Variants in ABCG2 observed in about 807,000 individuals in gnomAD.
The protein encoded by ABCG2 is broad substrate specificity ATP-binding cassette transporter ABCG2.
Under a neutral mutation model 73.5 loss-of-function variants are expected in ABCG2, and 80 were observed. The ratio of observed to expected loss-of-function variants is 1.09; its 90% CI spans 0.91 to 1.31. ABCG2 has a LOEUF of 1.31. ABCG2 is among the 50% of genes most tolerant of loss of function. The pLI, the probability that ABCG2 is intolerant of heterozygous loss-of-function variation, is 0.00. For missense variants in ABCG2, 796 were observed against 786.2 expected, an observed-to-expected ratio of 1.01 and a Z score of -0.15; for synonymous variants, 269 against 282.4, an observed-to-expected ratio of 0.95 and a Z score of 0.48.
intron 1 of ABCG2, among the ~76,000 whole-genome samples, chr4:88,186,479 T>A (rs1050182029): frequency 2.6e-5 from 4 of 152,112 alleles, no homozygotes; most frequent in Admixed American, 6.6e-5. Context: ...TTACATTTTT[T>A]AAAATGGTGG....
chr4:88,220,869 T>C (rs1259251079), intron 1 of ABCG2, among the ~76,000 whole-genome samples: 1 of 152,202 alleles, frequency 6.6e-6, no homozygotes, highest in Non-Finnish European at 1.5e-5. Flanking sequence ...TGATACCATG[T>C]GAAGAAGGAC....
intron 10 of ABCG2, among the ~76,000 whole-genome samples, chr4:88,106,518 A>G (rs1722780012): frequency 6.6e-6 from 1 of 152,254 alleles, no homozygotes; most frequent in Non-Finnish European, 1.5e-5. Flanking sequence ...TTACCAAAGA[A>G]TATCTACTGT....
intron 10 of ABCG2, among the ~76,000 whole-genome samples, chr4:88,105,420 A>G (rs1416382078): frequency 2.0e-5 from 3 of 152,198 alleles, no homozygotes; most frequent in Non-Finnish European, 2.9e-5. Flanking sequence ...AGTGTTCTCC[A>G]TACATGAAAT....
At chr4:88,140,467 C>G (rs1725555414) in intron 1 of ABCG2, among the ~76,000 whole-genome samples, 1 of 151,946 alleles carries the variant, frequency 6.6e-6, no homozygotes, top group Admixed American at 6.6e-5. Context: ...ACTAATAATA[C>G]AAAAGTTAGC....
At chr4:88,223,082 A>T (rs1436511993) in intron 1 of ABCG2, among the ~76,000 whole-genome samples, 1 of 152,364 alleles carries the variant, frequency 6.6e-6, no homozygotes, top group South Asian at 2.1e-4. Context: ...TATTTGCCCA[A>T]TGCCATTACC....
chr4:88,177,870 T>A (rs1467477433), intron 1 of ABCG2, among the ~76,000 whole-genome samples: 1 of 152,072 alleles, frequency 6.6e-6, no homozygotes, highest in African/African-American at 2.4e-5. Context: ...AAGACAGCAT[T>A]TAGACCAGAG....
At chr4:88,096,070 T>C (rs1578166516) in intron 13 of ABCG2, among the ~76,000 whole-genome samples, 1 of 152,192 alleles carries the variant, frequency 6.6e-6, no homozygotes, top group African/African-American at 2.4e-5. Flanking sequence ...TTTACAAAGG[T>C]TTGCAGTCTA....
chr4:88,121,324 T>C (rs1383012815), intron 6 of ABCG2, among the ~76,000 whole-genome samples: 2 of 152,088 alleles, frequency 1.3e-5, no homozygotes, highest in Non-Finnish European at 1.5e-5. Flanking sequence ...AACTACAAAA[T>C]GTTCAGTGTT....
chr4:88,157,693 A>G (rs1431549854), intron 1 of ABCG2, among the ~76,000 whole-genome samples: 1 of 152,224 alleles, frequency 6.6e-6, no homozygotes, highest in Non-Finnish European at 1.5e-5. Context: ...AGATCTATAC[A>G]ATCCAGTCAA....
At chr4:88,170,860 T>C (rs567303994) in intron 1 of ABCG2, among the ~76,000 whole-genome samples, 1 of 152,138 alleles carries the variant, frequency 6.6e-6, no homozygotes, top group Non-Finnish European at 1.5e-5. Flanking sequence ...AATTAGCAGA[T>C]GGGATAAAGA....
intron 15 of ABCG2, among the ~76,000 whole-genome samples, chr4:88,092,920 G>A (rs1251476141): frequency 6.6e-6 from 1 of 152,146 alleles, no homozygotes; most frequent in Non-Finnish European, 1.5e-5. Context: ...CAGGAAAAGA[G>A]GTGTGCATGG....
chr4:88,221,399 T>C (rs1730007616), intron 1 of ABCG2, among the ~76,000 whole-genome samples: 1 of 152,086 alleles, frequency 6.6e-6, no homozygotes, highest in Non-Finnish European at 1.5e-5. Flanking sequence ...TACCCAAAAA[T>C]GTAGAAACGA....
chr4:88,217,887 GC>G (rs1433552886), intron 1 of ABCG2, among the ~76,000 whole-genome samples: 1 of 151,366 alleles, frequency 6.6e-6, no homozygotes, highest in Admixed American at 6.6e-5. Flanking sequence ...GACTGCTTGA[GC>G]CCCGGTGTTT....
chr4:88,133,887 A>C (rs1725068764), intron 2 of ABCG2, among the ~76,000 whole-genome samples: 1 of 151,926 alleles, frequency 6.6e-6, no homozygotes, highest in African/African-American at 2.4e-5. Flanking sequence ...AATCCCAGCT[A>C]CTCGGGAGGC....
chr4:88,160,992 A>G (rs182948240), upstream of ABCG2, among the ~76,000 whole-genome samples: 389 of 151,868 alleles, frequency 2.6e-3, 2 homozygotes, highest in Admixed American at 5.4e-3. Flanking sequence ...CCTGGGCAAC[A>G]TACTGAGACC....
At position 88,195,829 on chromosome 4, in the gene ABCG2, G is replaced by A. The variant is rs1258430837; in HGVS notation, c.-20+35165C>T. On this transcript the variant is annotated intron_variant, in intron 1 of 15. Transcript: ENST00000515655. Reference sequence around the variant, plus strand: ...ACTTGGGTGGGGCCACATGCACAGTGTGTTTACTGAAGTTGTATGCATGCT... The same window carrying A: ...ACTTGGGTGGGGCCACATGCACAGTATGTTTACTGAAGTTGTATGCATGCT... Among the ~76,000 whole-genome samples the A allele has an allele frequency of 3.3e-5, 5 of 152,120 alleles. No homozygotes were observed. The East Asian group carries it at 7.7e-4, about 23-fold the overall frequency.
intron 1 of ABCG2, among the ~76,000 whole-genome samples, chr4:88,196,816 G>A (rs1043617215): frequency 1.3e-5 from 2 of 149,894 alleles, no homozygotes; most frequent in African/African-American, 2.4e-5. Context: ...CTTTAGCATC[G>A]GACTGCGCAG....
chr4:88,139,709 C>A (rs1047724905), intron 2 of ABCG2, 84 bp downstream of exon 2: 5 of 1,156,886 alleles, frequency 4.3e-6, no homozygotes, highest in Admixed American at 4.7e-5. Flanking sequence ...ATGTTCATAG[C>A]CAGTTTCTTG....
chr4:88,115,090 T>G, intron 7 of ABCG2, 32 bp from the exon 8 acceptor site: 1 of 1,467,252 alleles, frequency 6.8e-7, no homozygotes, highest in Non-Finnish European at 9.5e-7. Context: ...AAACACAAAC[T>G]TGATGGTCTT....
Sources: allele counts gnomAD v4.1 joint callset (sites outside exome capture counted in the v4.1 genomes callset), GRCh38; gene constraint gnomAD v4.1.1; transcripts MANE v1.5; gene names NCBI Gene and HGNC (gene_info 2026-07-23, HGNC 2026-07-21).